SEL1L: variants seen among roughly 807,000 people sequenced by gnomAD.
The protein encoded by SEL1L is SEL1L adaptor subunit of SYVN1 ubiquitin ligase, also known as protein sel-1 homolog 1.
Under a neutral mutation model 109.8 loss-of-function variants are expected in SEL1L, and 52 were observed. The observed-to-expected ratio is 0.47, with a 90% CI of 0.38 to 0.60. SEL1L has a LOEUF of 0.60. Among genes scored for constraint, SEL1L ranks in the 20% least tolerant of loss-of-function variants. The probability of loss-of-function intolerance (pLI) is 0.00; values close to 1 mark genes in which losing one functional copy is unlikely to be tolerated. For missense variants in SEL1L, 749 were observed against 962.2 expected, an observed-to-expected ratio of 0.78 and a Z score of 2.93; for synonymous variants, 373 against 339.6, an observed-to-expected ratio of 1.10 and a Z score of -1.08.
rs534577678 is a variant in SEL1L, at chr14:81,506,514, T to G, written c.341-273A>C. Among the ~76,000 whole-genome samples, 38 of 152,328 alleles carry G rather than the reference T, an allele frequency of 2.5e-4. 1 individual carries two copies. Among genetic ancestry groups the G allele is most frequent in the Middle Eastern group, 3.4e-3 (1 of 292 alleles). ...TAACCTTAGAATATTAAAGGTCTAC[T>G]GTAAAACTCCTGCCCAAAAAGTAAG... is the stretch of plus-strand genomic sequence containing the variant. On this transcript the variant is annotated intron_variant, in intron 3 of 20. Coordinates refer to ENST00000336735, the MANE Select transcript of SEL1L (RefSeq NM_005065.6).
chr14:81,505,086 AC>A (rs754801111), intron 4 of SEL1L, among the ~76,000 whole-genome samples: 2 of 152,206 alleles, frequency 1.3e-5, no homozygotes, highest in African/African-American at 2.4e-5. Context: ...TAAGGTCAAG[AC>A]ATACGAACAC....
At chr14:81,484,572 C>T (rs1903461542) in intron 18 of SEL1L, 175 bp from the exon 19 acceptor site, 1 of 584,170 alleles carries the variant, frequency 1.7e-6, no homozygotes, top group Non-Finnish European at 2.9e-6. Flanking sequence ...AAAATTTAAA[C>T]TAGAAGTGTA....
Position 81,510,514 on chromosome 14 carries a change from C to CTCTCTCTATA in SEL1L, c.341-4274_341-4273insTATAGAGAGA, listed in dbSNP as rs35474067. 3.3e-3 allele frequency among the ~76,000 whole-genome samples: 342 copies of CTCTCTCTATA among 104,058 alleles called. 5 individuals carry two copies. The highest frequency in any genetic ancestry group is 7.5e-3 in the Middle Eastern group (1 of 134). The allele number at this position is 104,058 out of a possible 152,430, so 68.3% of individuals were successfully genotyped here. On this transcript the variant is annotated intron_variant, in intron 3 of 20. Transcript: ENST00000336735. ...TCTCTCTCTCTCTCTCTCTCTCTCT[C>CTCTCTCTATA]TATATATATATATATAGACAATTAA...
At chr14:81,532,176 G>GACAGA (rs1312835795) in intron 1 of SEL1L, among the ~76,000 whole-genome samples, 1 of 152,174 alleles carries the variant, frequency 6.6e-6, no homozygotes, top group African/African-American at 2.4e-5. Flanking sequence ...CAATTCCTAT[G>GACAGA]CTTTAATTTT....
chr14:81,495,276 T>A, intron 10 of SEL1L, 139 bp from the exon 11 acceptor site: 1 of 715,142 alleles, frequency 1.4e-6, no homozygotes. Context: ...TCTTAACTCC[T>A]GAAAATGCTA....
intron 3 of SEL1L, among the ~76,000 whole-genome samples, chr14:81,507,970 T>A (rs921915508): frequency 6.6e-6 from 1 of 152,194 alleles, no homozygotes; most frequent in Non-Finnish European, 1.5e-5. Flanking sequence ...AGAGATAACA[T>A]CCTTATCTCC....
At chr14:81,482,556 T>C (rs1903392767) in intron 19 of SEL1L, among the ~76,000 whole-genome samples, 1 of 152,066 alleles carries the variant, frequency 6.6e-6, no homozygotes, top group African/African-American at 2.4e-5. Context: ...AGAAGCTAAG[T>C]CTAATTTGGG....
chr14:81,479,869 A>G (rs913347907), intron 19 of SEL1L, 129 bp from the exon 20 acceptor site: 9 of 818,446 alleles, frequency 1.1e-5, no homozygotes, highest in Non-Finnish European at 1.6e-5. Context: ...TCACCTAAAC[A>G]AAAATGCCAA....
chr14:81,521,379 AG>A (rs1313938164), intron 3 of SEL1L, among the ~76,000 whole-genome samples: 2 of 152,238 alleles, frequency 1.3e-5, no homozygotes, highest in Non-Finnish European at 2.9e-5. Context: ...AAAGATCACC[AG>A]GATCTAGTCA....
rs1050552285 is a variant in SEL1L at position 81,508,696 on chromosome 14, C to T, written c.341-2455G>A. On this transcript the variant is annotated intron_variant, in intron 3 of 20. Coordinates refer to ENST00000336735, the MANE Select transcript of SEL1L (RefSeq NM_005065.6). ...CTGGGAGGCGGAGGTTGCAGTGAGCCGAGAAAGCGTCTGTAGAACTGCAGT... is the reference window on the plus strand; with the variant it reads ...CTGGGAGGCGGAGGTTGCAGTGAGCTGAGAAAGCGTCTGTAGAACTGCAGT... 3.3e-5 allele frequency among the ~76,000 whole-genome samples: 5 copies of T among 151,992 alleles called. No individual in the cohort carries two copies. The South Asian group carries it at 6.2e-4, about 19-fold the overall frequency.
chr14:81,519,714 C>A (rs1440156655), intron 3 of SEL1L, among the ~76,000 whole-genome samples: 2 of 151,746 alleles, frequency 1.3e-5, no homozygotes, highest in South Asian at 2.1e-4. Context: ...ATATAGTAAA[C>A]ACTTTGGTTC....
chr14:81,486,395 G>C lies in SEL1L; in HGVS notation c.1692C>G (p.Asn564Lys). The change falls in exon 17 of 21, where the codon AAC becomes AAG. Residue 564 changes from asparagine (N) to lysine (K), a missense_variant. Physicochemically the swap from Asn to Lys is moderately conservative, Grantham distance 94. Around this residue, in one of 2 missense-constraint regions of SEL1L, gnomAD observed 383 missense variants for 562.5 expected, o/e 0.68. Transcript: ENST00000336735. ...RWSERLMTAY[N>K]SYKDGDYNAA... ...CATTGTAATCGCCATCTTTATAGCT[G>C]TTATAGGCAGTCATAAGCCTTTCAG... 1 of 1,614,084 alleles carries C rather than the reference G, an allele frequency of 6.2e-7. No homozygotes were observed. Among genetic ancestry groups the C allele is most frequent in the South Asian group, 1.1e-5 (1 of 91,072 alleles).
At chr14:81,498,342 A>C in intron 9 of SEL1L, 71 bp downstream of exon 9, 12 of 1,285,278 alleles carry the variant, frequency 9.3e-6, no homozygotes, top group Non-Finnish European at 1.2e-5. Flanking sequence ...TAGAACAATA[A>C]AAATAGAAAT....
At chr14:81,514,905 T>C (rs1884638370) in intron 3 of SEL1L, among the ~76,000 whole-genome samples, 1 of 152,220 alleles carries the variant, frequency 6.6e-6, no homozygotes, top group Non-Finnish European at 1.5e-5. Flanking sequence ...ATTACAATAC[T>C]ATCTTGCAGC....
rs1903182987 is a variant in SEL1L at position 81,477,048 on chromosome 14, G to A, written c.2309C>T (p.Pro770Leu). The change falls in exon 21 of 21, where the codon CCT becomes CTT. Residue 770 changes from proline to leucine, a missense_variant. By Grantham distance (98) the Pro-to-Leu change is moderately conservative (BLOSUM62 -3). Transcript: ENST00000336735. The part of the protein sequence containing the change: ...AYRQRQHQDM[P>L]APRPPGPRPA... ...CCGTGGCCCTGGAGGCCTGGGTGCA[G>A]GCATGTCTTGGTGCTGCCTTTGCCT... 2 of 1,614,224 alleles carry A rather than the reference G, an allele frequency of 1.2e-6. No individual in the cohort carries two copies. The highest frequency in any genetic ancestry group is 1.7e-6 in the Non-Finnish European group (2 of 1,180,054).
chr14:81,506,321 G>T, intron 3 of SEL1L, 80 bp from the exon 4 acceptor site: 2 of 1,291,362 alleles, frequency 1.5e-6, no homozygotes, highest in Non-Finnish European at 2.1e-6. Flanking sequence ...AATTTTGGCT[G>T]TTGGAATTTG....
At chr14:81,505,612 C>T (rs777516107) in intron 4 of SEL1L, among the ~76,000 whole-genome samples, 5 of 152,136 alleles carry the variant, frequency 3.3e-5, no homozygotes, top group Non-Finnish European at 5.9e-5. Flanking sequence ...TCCTTAGAGT[C>T]AGCATCTCTA....
chr14:81,479,687 A>G lies in SEL1L; in HGVS notation c.2100T>C (p.Asp700=), dbSNP rs763123169. 6.2e-6 allele frequency: 10 copies of G among 1,614,102 alleles called. No individual in the cohort carries two copies. ...GGGCTAGGAAGACTGGAACTTGTGCATCTGGGCTGGCTTCAGCTGCCATGT... is the reference window on the plus strand; with the variant it reads ...GGGCTAGGAAGACTGGAACTTGTGCGTCTGGGCTGGCTTCAGCTGCCATGT... The part of the protein sequence containing the change: ...FYDMAAEASP[D]AQVPVFLALC... The change falls in exon 20 of 21, where the codon GAT becomes GAC. Residue 700 remains aspartate (D), a synonymous_variant. Transcript: ENST00000336735.
At chr14:81,479,138 T>G (rs1244891699) in intron 20 of SEL1L, 1 of 152,238 alleles carries the variant, frequency 6.6e-6, no homozygotes, top group Non-Finnish European at 1.5e-5. Context: ...TTTAAATAAT[T>G]CACGCTATTT....
Sources: allele counts gnomAD v4.1 joint callset (sites outside exome capture counted in the v4.1 genomes callset), GRCh38; gene constraint gnomAD v4.1.1; regional missense constraint gnomAD v4.1.1; transcripts MANE v1.5; gene names NCBI Gene and HGNC (gene_info 2026-07-23, HGNC 2026-07-21).